ANK1: variants seen among roughly 807,000 people sequenced by gnomAD.
ANK1 encodes ankyrin-1.
ANK1 carries 51 observed loss-of-function variants against 210.4 expected under a neutral mutation model. The observed-to-expected ratio is 0.24, with a 90% CI of 0.19 to 0.31. ANK1 has a LOEUF of 0.31. Ranked by LOEUF, ANK1 falls within the 10% of genes least tolerant of loss-of-function variation. The pLI, the probability that ANK1 is intolerant of heterozygous loss-of-function variation, is 1.00. For synonymous variants in ANK1, 967 were observed against 1,025.9 expected (o/e 0.94, Z 1.10); for missense variants, 2,051 against 2,504.4 (o/e 0.82, Z 3.86).
intron 20 of ANK1, among the ~76,000 whole-genome samples, chr8:41,703,065 A>C (rs1024015665): frequency 2.6e-5 from 4 of 151,942 alleles, no homozygotes; most frequent in African/African-American, 9.7e-5. Flanking sequence ...TCCTGACCTC[A>C]AGTGATCCAC....
intron 1 of ANK1, among the ~76,000 whole-genome samples, chr8:41,803,193 G>GAA (rs201552803): frequency 6.8e-6 from 1 of 148,136 alleles, no homozygotes; most frequent in Admixed American, 6.7e-5. Flanking sequence ...GAGAGAGAGA[G>GAA]AAAAAAAAAG....
intron 8 of ANK1, 150 bp downstream of exon 8, chr8:41,723,385 C>T (rs1176607810): frequency 1.2e-5 from 14 of 1,144,020 alleles, no homozygotes; most frequent in East Asian, 2.4e-5. Flanking sequence ...TCCCACTGCA[C>T]GCGGCACTGC....
intron 1 of ANK1, among the ~76,000 whole-genome samples, chr8:41,836,723 G>T (rs190404518): frequency 6.6e-6 from 1 of 152,204 alleles, no homozygotes; most frequent in Non-Finnish European, 1.5e-5. Flanking sequence ...ACCAGCCTGG[G>T]CAACATAGTG....
In ANK1 at chr8:41,655,305, CT is replaced by C. The variant is rs5891167; in HGVS notation, c.*484del. The C allele has an allele frequency of 0.058, 8,427 of 145,248 alleles. 283 individuals carry two copies. Among genetic ancestry groups the C allele is most frequent in the African/African-American group, 0.11 (4,105 of 37,670 alleles). The allele number at this position is 145,248 out of a possible 1,614,324, so 9.0% of individuals were successfully genotyped here. On this transcript the variant is annotated 3_prime_UTR_variant, in exon 43 of 43. Transcript: ENST00000289734. ...TTAAACTGATTTCATGCCTAGTTTT[CT>C]TTTTTTTTTTTTTCTTTCCAGGAAG...
chr8:41,735,265 T>C lies in ANK1; in HGVS notation c.130-1196A>G, dbSNP rs187577105. 3.7e-3 allele frequency among the ~76,000 whole-genome samples: 564 copies of C among 152,316 alleles called. 4 individuals carry two copies. Among genetic ancestry groups the C allele is most frequent in the Non-Finnish European group, 5.4e-3 (367 of 68,024 alleles). On this transcript the variant is annotated intron_variant, in intron 2 of 42. Transcript: ENST00000289734. ...GGAGCCACAAATAAGTCTGACAATA[T>C]GAAGGAGCAAAATATCAATTCCAAC...
At chr8:41,809,577 G>A (rs1802157457) in intron 1 of ANK1, among the ~76,000 whole-genome samples, 1 of 152,064 alleles carries the variant, frequency 6.6e-6, no homozygotes, top group Non-Finnish European at 1.5e-5. Flanking sequence ...GACCAGCCTG[G>A]GCAACATAGC....
chr8:41,667,714 C>T (rs974313367), intron 39 of ANK1, among the ~76,000 whole-genome samples: 1 of 152,124 alleles, frequency 6.6e-6, no homozygotes, highest in African/African-American at 2.4e-5. Flanking sequence ...TTCTCTCTAT[C>T]CCAGGGCCCC....
In ANK1 at chr8:41,694,613, C is replaced by G; in HGVS notation, c.3306G>C (p.Lys1102Asn). ...QATFPENAVT[K>N]RVKLALQAQP... ...TCACCTGCAGAGCCAGCTTCACTCT[C>G]TTGGTGACGGCATTCTCCGGGAACG... The change falls in exon 28 of 43, where the codon AAG becomes AAC. Residue 1102 changes from lysine to asparagine, a missense_variant. Transcript: ENST00000289734. The surrounding 1 kb of genome is among the most constrained non-coding windows in gnomAD (Gnocchi z 5.7). 1.2e-6 allele frequency: 2 copies of G among 1,613,786 alleles called. No individual in the cohort carries two copies. Among genetic ancestry groups the G allele is most frequent in the Non-Finnish European group, 1.7e-6 (2 of 1,180,002 alleles).
At chr8:41,820,755 C>A (rs773948182) in intron 1 of ANK1, among the ~76,000 whole-genome samples, 29 of 152,104 alleles carry the variant, frequency 1.9e-4, no homozygotes, top group Non-Finnish European at 3.5e-4. Flanking sequence ...AGGAGAAAAA[C>A]CATGTTTAAT....
In ANK1 at chr8:41,661,551, C is replaced by T; in HGVS notation, c.5558G>A (p.Gly1853Glu). Residue 1853 changes from glycine (G) to glutamate (E), a missense_variant, in exon 42 of 43, where the codon GGG becomes GAG. Transcript: ENST00000289734. ...TATCAGGTCCGGCTGTAGGCCACTC[C>T]CTCTCAGCTCCACCTGCAGACAGCA... ...AQEHEEVELRGSGLQPDLIEG... is the reference protein window; with the variant it reads ...AQEHEEVELRESGLQPDLIEG... The T allele has an allele frequency of 6.2e-7, 1 of 1,613,986 alleles. No homozygotes were observed. Among genetic ancestry groups the T allele is most frequent in the South Asian group, 1.1e-5 (1 of 91,076 alleles).
intron 1 of ANK1, chr8:41,840,295 A>G (rs1808630424): frequency 6.6e-6 from 1 of 152,190 alleles, no homozygotes; most frequent in African/African-American, 2.4e-5. Flanking sequence ...CCTGCACTCA[A>G]GCGATCCTCT....
At position 41,715,737 on chromosome 8, in the gene ANK1, G is replaced by A. The variant is rs752408209; in HGVS notation, c.1517C>T (p.Pro506Leu). ...GCCCTCACGGGCTGCAATGTGCAGG[G>A]GGGTGTGCCCGGCGGTGGTGGCCAG... ...PNLATTAGHT[P>L]LHIAAREGHV... Residue 506 changes from proline to leucine, a missense_variant, in exon 14 of 43, where the codon CCC becomes CTC. Pro to Leu is a moderately conservative substitution (Grantham distance 98, BLOSUM62 -3). Coordinates refer to ENST00000289734, the MANE Select transcript of ANK1 (RefSeq NM_000037.4). 1.2e-6 allele frequency: 2 copies of A among 1,614,222 alleles called. No homozygotes were observed. Among genetic ancestry groups the A allele is most frequent in the Admixed American group, 1.7e-5 (1 of 60,030 alleles).
Position 41,655,474 on chromosome 8 carries a change from C to T in ANK1, c.*316G>A, listed in dbSNP as rs552774855. The T allele has an allele frequency of 1.0e-4, 50 of 499,498 alleles. No homozygotes were observed. In the East Asian group the frequency reaches 1.5e-3, roughly 15 times the overall value. 30.9% of individuals were successfully genotyped at this position (499,498 alleles called of 1,614,324 possible). The stretch of plus-strand genomic sequence containing the variant: ...ACTTTTGCGTTCGCAGGCTCTCCTG[C>T]GCTTGTTTTCTATCCCTCTCTCTCC... On this transcript the variant is annotated 3_prime_UTR_variant, in exon 43 of 43. Transcript: ENST00000289734.
intron 37 of ANK1, among the ~76,000 whole-genome samples, chr8:41,682,505 A>G (rs1816380573): frequency 6.6e-6 from 1 of 152,246 alleles, no homozygotes; most frequent in Non-Finnish European, 1.5e-5. Flanking sequence ...CCTGCCTAGC[A>G]CAGTGCCTGG....
intron 35 of ANK1, among the ~76,000 whole-genome samples, chr8:41,686,992 C>G (rs1046353202): frequency 5.9e-5 from 9 of 152,180 alleles, no homozygotes; most frequent in Admixed American, 5.9e-4. Context: ...AACACATACA[C>G]GTGCATACAC....
intron 1 of ANK1, among the ~76,000 whole-genome samples, chr8:41,888,165 C>T (rs1563968918): frequency 6.6e-6 from 1 of 152,160 alleles, no homozygotes; most frequent in African/African-American, 2.4e-5. Flanking sequence ...AGGTGAGAGC[C>T]CCAGGAAGCC....
intron 2 of ANK1, among the ~76,000 whole-genome samples, chr8:41,751,900 C>G (rs1045417082): frequency 3.9e-5 from 6 of 152,194 alleles, no homozygotes; most frequent in African/African-American, 1.4e-4. Flanking sequence ...TGCAAGCCCT[C>G]TTTGATCTGA....
At chr8:41,767,202 C>T (rs985381026) in intron 1 of ANK1, among the ~76,000 whole-genome samples, 2 of 152,076 alleles carry the variant, frequency 1.3e-5, no homozygotes, top group African/African-American at 4.8e-5. Context: ...CGCACCCGCA[C>T]CCGCCGGGGA....
chr8:41,711,054 G>A (rs899902038), intron 16 of ANK1, among the ~76,000 whole-genome samples: 11 of 152,168 alleles, frequency 7.2e-5, no homozygotes, highest in African/African-American at 2.7e-4. Flanking sequence ...TTCTTCGTAG[G>A]TTGTGTTCAT....
Sources: allele counts gnomAD v4.1 joint callset (sites outside exome capture counted in the v4.1 genomes callset), GRCh38; gene constraint gnomAD v4.1.1; non-coding constraint Gnocchi (gnomAD v3.1); transcripts MANE v1.5; gene names NCBI Gene and HGNC (gene_info 2026-07-23, HGNC 2026-07-21).